Variants in GPC5 observed in about 807,000 individuals in gnomAD.
The protein encoded by GPC5 is glypican 5, also known as glypican-5.
A neutral mutation model predicts 53.9 loss-of-function variants in GPC5; 47 were observed. The observed-to-expected ratio is 0.87, with a 90% CI of 0.69 to 1.11. GPC5 has a LOEUF of 1.11. Among genes scored for constraint, GPC5 ranks in the 50% most tolerant of loss-of-function variants. The probability of loss-of-function intolerance (pLI) is 0.00; values close to 1 mark genes in which losing one functional copy is unlikely to be tolerated. For missense variants in GPC5, 748 were observed against 713.1 expected (o/e 1.05, Z -0.56); for synonymous variants, 286 against 263.3 (o/e 1.09, Z -0.84).
intron 6 of GPC5, among the ~76,000 whole-genome samples, chr13:92,068,155 T>G (rs879867189): frequency 1.1e-4 from 16 of 151,982 alleles, no homozygotes; most frequent in Admixed American, 1.0e-3. Context: ...CACATGTAGA[T>G]TGAACCTTGT....
intron 6 of GPC5, among the ~76,000 whole-genome samples, chr13:92,033,504 C>T (rs930316799): frequency 1.2e-4 from 19 of 152,140 alleles, no homozygotes; most frequent in Admixed American, 9.2e-4. Context: ...ACTGAACATA[C>T]CAGGAAGACA....
chr13:91,834,160 A>T (rs2038696104), intron 5 of GPC5, among the ~76,000 whole-genome samples: 2 of 152,202 alleles, frequency 1.3e-5, no homozygotes, highest in Non-Finnish European at 2.9e-5. Flanking sequence ...TACAAAGAGA[A>T]TAAAATACCT....
intron 7 of GPC5, among the ~76,000 whole-genome samples, chr13:92,341,368 C>T (rs2139249106): frequency 6.6e-6 from 1 of 151,922 alleles, no homozygotes; most frequent in East Asian, 1.9e-4. Context: ...TGTCAACTTC[C>T]AACTTTTGGT....
chr13:92,421,698 C>CAAAAAAAAAAAAAAGAAAAAAAAAA (rs1876574260), intron 7 of GPC5, among the ~76,000 whole-genome samples: 1 of 69,508 alleles, frequency 1.4e-5, no homozygotes, highest in Admixed American at 2.0e-4. Context: ...GACTCCGTCT[C>CAAAAAAAAAAAAAAGAAAAAAAAAA]AAAAAAAAAA....
intron 6 of GPC5, among the ~76,000 whole-genome samples, chr13:91,972,886 G>A (rs1309982580): frequency 6.6e-6 from 1 of 152,220 alleles, no homozygotes; most frequent in Non-Finnish European, 1.5e-5. Context: ...CTTTCTCTCT[G>A]GCTGCCCTTA....
At chr13:92,288,370 C>G (rs1317068775) in intron 7 of GPC5, among the ~76,000 whole-genome samples, 1 of 152,088 alleles carries the variant, frequency 6.6e-6, no homozygotes, top group Admixed American at 6.5e-5. Context: ...TGTGGTAACT[C>G]TGGAATTCAG....
chr13:92,112,173 G>T (rs2041562504), intron 6 of GPC5, among the ~76,000 whole-genome samples: 1 of 152,090 alleles, frequency 6.6e-6, no homozygotes, highest in Non-Finnish European at 1.5e-5. Context: ...AGAGCATCCA[G>T]GGGTTCAAAG....
At chr13:91,738,242 C>G (rs1349463752) in intron 4 of GPC5, among the ~76,000 whole-genome samples, 1 of 151,368 alleles carries the variant, frequency 6.6e-6, no homozygotes, top group African/African-American at 2.5e-5. Context: ...TTTTCAGAGC[C>G]TTTCCTGTGT....
At chr13:92,573,698 C>A (rs1182690337) in intron 7 of GPC5, among the ~76,000 whole-genome samples, 1 of 152,162 alleles carries the variant, frequency 6.6e-6, no homozygotes, top group African/African-American at 2.4e-5. Context: ...TGTGTGAAGA[C>A]AACTGATCAT....
intron 5 of GPC5, among the ~76,000 whole-genome samples, chr13:91,819,543 CT>C (rs1342054590): frequency 6.6e-6 from 1 of 152,106 alleles, no homozygotes; most frequent in Admixed American, 6.5e-5. Flanking sequence ...GCATCTACTG[CT>C]CAATATTTTG....
intron 2 of GPC5, among the ~76,000 whole-genome samples, chr13:91,670,922 A>G (rs1566596820): frequency 6.6e-6 from 1 of 152,210 alleles, no homozygotes; most frequent in South Asian, 2.1e-4. Flanking sequence ...TTATTCTCCT[A>G]TAGCAAAAGG....
intron 2 of GPC5, among the ~76,000 whole-genome samples, chr13:91,642,053 T>C (rs922760789): frequency 6.6e-6 from 1 of 152,146 alleles, no homozygotes; most frequent in African/African-American, 2.4e-5. Flanking sequence ...ATGTAGGCAG[T>C]TTAACAGGAG....
intron 7 of GPC5, among the ~76,000 whole-genome samples, chr13:92,768,296 T>C (rs1875482511): frequency 6.6e-6 from 1 of 152,182 alleles, no homozygotes; most frequent in Admixed American, 6.6e-5. Context: ...GAGTTCAAAA[T>C]GAATTACTTT....
chr13:92,780,848 A>G (rs1875998513), intron 7 of GPC5, among the ~76,000 whole-genome samples: 1 of 152,104 alleles, frequency 6.6e-6, no homozygotes, highest in Admixed American at 6.5e-5. Flanking sequence ...TGCTGCTTTT[A>G]AAGGAATTTT....
intron 7 of GPC5, among the ~76,000 whole-genome samples, chr13:92,284,081 A>G (rs1214133134): frequency 2.0e-5 from 3 of 152,228 alleles, no homozygotes; most frequent in African/African-American, 7.2e-5. Context: ...ACAGAAATAC[A>G]AACTACCATC....
intron 2 of GPC5, among the ~76,000 whole-genome samples, chr13:91,603,264 C>T (rs1175980404): frequency 3.9e-5 from 6 of 152,192 alleles, no homozygotes; most frequent in African/African-American, 1.4e-4. Context: ...AGAGCTCTCT[C>T]CGTAAATGAT....
chr13:92,443,054 C>T (rs1877641392), intron 7 of GPC5, among the ~76,000 whole-genome samples: 1 of 152,116 alleles, frequency 6.6e-6, no homozygotes, highest in African/African-American at 2.4e-5. Flanking sequence ...GCAGACTGCA[C>T]AAGAAGCATG....
At chr13:92,078,776 G>A (rs1269336998) in intron 6 of GPC5, among the ~76,000 whole-genome samples, 1 of 152,150 alleles carries the variant, frequency 6.6e-6, no homozygotes, top group Non-Finnish European at 1.5e-5. Context: ...CATAACGTGG[G>A]GAGGGGTTAG....
chr13:91,496,996 AT>A (rs1250045058), intron 2 of GPC5, among the ~76,000 whole-genome samples: 1 of 152,046 alleles, frequency 6.6e-6, no homozygotes, highest in East Asian at 1.9e-4. Flanking sequence ...TCAAATAGTT[AT>A]TGCTTTTCTG....
Sources: gnomAD v4.1 joint callset for allele counts (sites outside exome capture counted in the v4.1 genomes callset) on GRCh38, gnomAD v4.1.1 for gene constraint, MANE v1.5 for transcripts, NCBI Gene and HGNC (gene_info 2026-07-23, HGNC 2026-07-21) for gene names.